Variants in SLC8A1 observed in about 807,000 individuals in gnomAD.
The protein encoded by SLC8A1 is solute carrier family 8 member A1.
In SLC8A1, 18 loss-of-function variants were observed where a neutral mutation model predicts 68.3. That is an observed-to-expected ratio of 0.26 (90% CI 0.18 to 0.39). SLC8A1 has a LOEUF of 0.39. Among genes scored for constraint, SLC8A1 ranks in the 10% least tolerant of loss-of-function variants. The pLI, the probability that SLC8A1 is intolerant of heterozygous loss-of-function variation, is 1.00. For missense variants in SLC8A1, 985 were observed against 1,156.7 expected, an observed-to-expected ratio of 0.85 and a Z score of 2.15; for synonymous variants, 475 against 415.5, an observed-to-expected ratio of 1.14 and a Z score of -1.74.
At chr2:40,255,596 G>GTTTA (rs1197718835) in intron 2 of SLC8A1, among the ~76,000 whole-genome samples, 4 of 152,144 alleles carry the variant, frequency 2.6e-5, no homozygotes, top group African/African-American at 9.7e-5. Context: ...CCTCTCTGGA[G>GTTTA]TTTATTTTTC....
intron 2 of SLC8A1, among the ~76,000 whole-genome samples, chr2:40,249,484 T>G (rs2062402393): frequency 6.6e-6 from 1 of 152,222 alleles, no homozygotes; most frequent in African/African-American, 2.4e-5. Context: ...TAACCCTTAG[T>G]GCTTAAATGG....
chr2:40,302,097 G>A (rs116124019), intron 2 of SLC8A1, among the ~76,000 whole-genome samples: 2,573 of 145,720 alleles, frequency 0.018, 71 homozygotes, highest in African/African-American at 0.061. Context: ...GGGTTTCGCC[G>A]TGATGGCCAG....
intron 2 of SLC8A1, among the ~76,000 whole-genome samples, chr2:40,396,625 T>C (rs1274609169): frequency 2.0e-5 from 3 of 151,918 alleles, no homozygotes; most frequent in Non-Finnish European, 4.4e-5. Context: ...AGAAGTACCT[T>C]ATTAATTCAT....
At chr2:40,135,791 A>G (rs79502822) in intron 7 of SLC8A1, among the ~76,000 whole-genome samples, 1 of 152,332 alleles carries the variant, frequency 6.6e-6, no homozygotes, top group Admixed American at 6.5e-5. Flanking sequence ...AAAGGAATCA[A>G]GGATACCTGG....
intron 2 of SLC8A1, among the ~76,000 whole-genome samples, chr2:40,340,548 G>A (rs776666918): frequency 6.6e-6 from 1 of 152,160 alleles, no homozygotes; most frequent in East Asian, 1.9e-4. Context: ...CCAACAGAGT[G>A]AGACTCCTTC....
intron 2 of SLC8A1, among the ~76,000 whole-genome samples, chr2:40,282,570 CT>C (rs1351600522): frequency 6.6e-6 from 1 of 152,188 alleles, no homozygotes; most frequent in East Asian, 1.9e-4. Context: ...AAGAGATTTC[CT>C]TTCCGTTAAC....
rs559929481 is a variant in SLC8A1 at position 40,163,587 on chromosome 2, T to A, written c.2061+1267A>T. On this transcript the variant is annotated intron_variant, in intron 5 of 7. Coordinates refer to ENST00000406785, the Ensembl canonical transcript of SLC8A1. ...GGAATTACAGGGAACTTGTGCACAT[T>A]CCAGGCATGGTTGTGCAACAAGCCA... 1.5e-4 allele frequency among the ~76,000 whole-genome samples: 23 copies of A among 152,292 alleles called. No homozygotes were observed. In the South Asian group the frequency reaches 4.6e-3, roughly 30 times the overall value.
At chr2:40,264,534 G>C (rs1411184552) in intron 2 of SLC8A1, among the ~76,000 whole-genome samples, 1 of 152,164 alleles carries the variant, frequency 6.6e-6, no homozygotes, top group African/African-American at 2.4e-5. Context: ...AAAATGATGA[G>C]TTCATGTCCT....
At chr2:40,168,882 A>T (rs1224241423) in intron 4 of SLC8A1, among the ~76,000 whole-genome samples, 1 of 152,228 alleles carries the variant, frequency 6.6e-6, no homozygotes, top group Non-Finnish European at 1.5e-5. Context: ...ACATAACATC[A>T]TAGTCTTAAC....
chr2:40,322,195 C>G (rs555342274), intron 2 of SLC8A1, among the ~76,000 whole-genome samples: 2 of 152,128 alleles, frequency 1.3e-5, no homozygotes, highest in African/African-American at 4.8e-5. Flanking sequence ...TAGTAAGAAA[C>G]GAGTTTTCCA....
chr2:40,174,554 A>T, intron 4 of SLC8A1, 152 bp downstream of exon 6: 1 of 761,006 alleles, frequency 1.3e-6, no homozygotes, highest in Non-Finnish European at 2.2e-6. Flanking sequence ...CACACACATT[A>T]TTAATTTGTA....
intron 6 of SLC8A1, among the ~76,000 whole-genome samples, chr2:40,143,809 C>T (rs995333589): frequency 2.0e-5 from 3 of 152,162 alleles, no homozygotes; most frequent in Non-Finnish European, 4.4e-5. Flanking sequence ...TTACGTGTCT[C>T]TCTACCTGCT....
At chr2:40,367,003 A>T (rs1676428310) in intron 2 of SLC8A1, among the ~76,000 whole-genome samples, 1 of 151,976 alleles carries the variant, frequency 6.6e-6, no homozygotes, top group Admixed American at 6.6e-5. Flanking sequence ...AACCTTCAGC[A>T]TCTGATTTTT....
At chr2:40,238,097 G>C (rs1430699865) in intron 2 of SLC8A1, among the ~76,000 whole-genome samples, 10 of 152,230 alleles carry the variant, frequency 6.6e-5, no homozygotes, top group Non-Finnish European at 1.0e-4. Flanking sequence ...AGCCTACAGA[G>C]GCAGGCAGGC....
chr2:40,454,814 A>G (rs1369549917), upstream of SLC8A1, among the ~76,000 whole-genome samples: 3 of 152,160 alleles, frequency 2.0e-5, no homozygotes, highest in African/African-American at 7.2e-5. Context: ...GTGAGTTTTT[A>G]TTGCGAGAAT....
chr2:40,291,895 C>T (rs2069397223), intron 2 of SLC8A1, among the ~76,000 whole-genome samples: 1 of 149,478 alleles, frequency 6.7e-6, no homozygotes, highest in African/African-American at 2.5e-5. Context: ...CTGGACAAGA[C>T]ATCTTTACTT....
At chr2:40,382,735 T>C (rs1423718178) in intron 2 of SLC8A1, among the ~76,000 whole-genome samples, 1 of 152,110 alleles carries the variant, frequency 6.6e-6, no homozygotes, top group African/African-American at 2.4e-5. Flanking sequence ...TGGTGGACCT[T>C]TGCTTAAAGA....
chr2:40,248,969 C>T (rs1401561593), intron 2 of SLC8A1, among the ~76,000 whole-genome samples: 1 of 152,098 alleles, frequency 6.6e-6, no homozygotes, highest in Non-Finnish European at 1.5e-5. Flanking sequence ...TCACCAGGGG[C>T]AGAATAAGTT....
intron 2 of SLC8A1, among the ~76,000 whole-genome samples, chr2:40,178,126 G>T (rs1333428608): frequency 1.3e-5 from 2 of 152,178 alleles, no homozygotes; most frequent in African/African-American, 4.8e-5. Context: ...GCATTGCATG[G>T]CATCTGCAGC....
Sources: gnomAD v4.1 joint callset for allele counts (sites outside exome capture counted in the v4.1 genomes callset) on GRCh38, gnomAD v4.1.1 for gene constraint, MANE v1.5 for transcripts, NCBI Gene and HGNC (gene_info 2026-07-23, HGNC 2026-07-21) for gene names.